Variants in VRK2 observed in about 807,000 individuals in gnomAD.
The protein encoded by VRK2 is serine/threonine-protein kinase VRK2.
VRK2 carries 60 observed loss-of-function variants against 57.6 expected under a neutral mutation model. The ratio of observed to expected loss-of-function variants is 1.04; its 90% CI spans 0.85 to 1.29. VRK2 has a LOEUF of 1.29. Ranked by LOEUF, VRK2 falls within the 50% of genes most tolerant of loss-of-function variation. The probability of loss-of-function intolerance (pLI) is 0.00; values close to 1 mark genes in which losing one functional copy is unlikely to be tolerated. For missense variants in VRK2, 705 were observed against 588.1 expected, an observed-to-expected ratio of 1.20 and a Z score of -2.06; for synonymous variants, 231 against 199.2, an observed-to-expected ratio of 1.16 and a Z score of -1.35.
At chr2:58,115,396 G>C (rs904115000) in intron 7 of VRK2, among the ~76,000 whole-genome samples, 2 of 152,178 alleles carry the variant, frequency 1.3e-5, no homozygotes, top group Non-Finnish European at 2.9e-5. Context: ...TATGCGTCAG[G>C]TATGAGGAAG....
intron 1 of VRK2, among the ~76,000 whole-genome samples, chr2:58,022,734 G>A (rs1345744803): frequency 6.6e-6 from 1 of 152,122 alleles, no homozygotes; most frequent in Non-Finnish European, 1.5e-5. Context: ...AATTAGCTAA[G>A]CATGGTGGCC....
chr2:57,928,944 G>C (rs1167399241), intron 1 of VRK2, among the ~76,000 whole-genome samples: 6 of 152,176 alleles, frequency 3.9e-5, no homozygotes, highest in African/African-American at 1.4e-4. Flanking sequence ...TCCTTGAGCT[G>C]GGGGAGGGAT....
At chr2:57,910,770 C>T (rs1317088881) in intron 1 of VRK2, among the ~76,000 whole-genome samples, 1 of 152,108 alleles carries the variant, frequency 6.6e-6, no homozygotes, top group Non-Finnish European at 1.5e-5. Context: ...ACATAAGTTC[C>T]AAAGCCAATA....
intron 3 of VRK2, 120 bp downstream of exon 3, chr2:58,084,258 A>G (rs1443826407): frequency 5.7e-6 from 6 of 1,043,926 alleles, no homozygotes; most frequent in African/African-American, 1.6e-5. Flanking sequence ...TAATGTTATC[A>G]TCTGTTTTGA....
chr2:58,047,919 T>C (rs1675105326), intron 1 of VRK2, among the ~76,000 whole-genome samples: 1 of 152,278 alleles, frequency 6.6e-6, no homozygotes, highest in Admixed American at 6.5e-5. Flanking sequence ...CATTTACGTA[T>C]ATACGTTTTT....
intron 2 of VRK2, among the ~76,000 whole-genome samples, chr2:58,058,940 T>C (rs1414485398): frequency 6.6e-6 from 1 of 152,010 alleles, no homozygotes; most frequent in Non-Finnish European, 1.5e-5. Context: ...CCAGATAAAA[T>C]AGTGACAAGT....
chr2:58,007,115 C>T (rs1031822822), intron 1 of VRK2, among the ~76,000 whole-genome samples: 2 of 151,642 alleles, frequency 1.3e-5, no homozygotes, highest in African/African-American at 2.4e-5. Flanking sequence ...GAAACTATAC[C>T]ATCAGTTCTC....
chr2:57,952,572 T>C (rs1039984947), intron 1 of VRK2, among the ~76,000 whole-genome samples: 1 of 152,150 alleles, frequency 6.6e-6, no homozygotes, highest in African/African-American at 2.4e-5. Context: ...ATCCTGAACA[T>C]ACATATCCTT....
intron 1 of VRK2, among the ~76,000 whole-genome samples, chr2:57,913,809 A>T (rs1224058152): frequency 6.6e-6 from 1 of 152,120 alleles, no homozygotes; most frequent in East Asian, 1.9e-4. Flanking sequence ...GTAGCATTTA[A>T]AAAAATACTG....
At chr2:57,942,663 G>C (rs181390336) in intron 1 of VRK2, among the ~76,000 whole-genome samples, 42 of 152,186 alleles carry the variant, frequency 2.8e-4, no homozygotes, top group African/African-American at 9.2e-4. Context: ...ACTGTACCTT[G>C]CAGGGCCATG....
chr2:57,992,484 C>T (rs1023592276), intron 1 of VRK2, among the ~76,000 whole-genome samples: 1 of 151,696 alleles, frequency 6.6e-6, no homozygotes, highest in African/African-American at 2.4e-5. Context: ...TAAAGTTAAA[C>T]ATGAGAAATA....
intron 1 of VRK2, among the ~76,000 whole-genome samples, chr2:57,908,718 GT>G (rs1572846889): frequency 6.6e-6 from 1 of 152,142 alleles, no homozygotes; most frequent in African/African-American, 2.4e-5. Flanking sequence ...TTGAAGAATA[GT>G]TTTTCAAAGT....
intron 1 of VRK2, among the ~76,000 whole-genome samples, chr2:57,983,699 G>A (rs72947193): frequency 0.015 from 2,339 of 152,238 alleles, 91 homozygotes; most frequent in African/African-American, 0.054. Context: ...TGTATACAAT[G>A]CTGCACAAAA....
chr2:58,121,549 T>C lies in VRK2; in HGVS notation c.544-1552T>C, dbSNP rs573918956. Among the ~76,000 whole-genome samples, 5 of 152,286 alleles carry C rather than the reference T, an allele frequency of 3.3e-5. No homozygotes were observed. The South Asian group carries it at 1.0e-3, about 32-fold the overall frequency. ...TGGGAAAGAGAGACAAACTGAAATA[T>C]TTGTTTTCAGACAGCCTTGCAAGTT... is the stretch of plus-strand genomic sequence containing the variant. On this transcript the variant is annotated intron_variant, in intron 7 of 12. Transcript: ENST00000340157.
At chr2:58,046,134 C>T (rs1376782349), upstream of VRK2, among the ~76,000 whole-genome samples, 4 of 152,148 alleles carry the variant, frequency 2.6e-5, no homozygotes, top group Admixed American at 2.6e-4. Flanking sequence ...CGTGAGCCAC[C>T]GCACCTGGCC....
rs1680642435 is a variant in VRK2 at position 58,137,235 on chromosome 2, T to TGTATC, written c.856+2036_856+2037insGTATC. On this transcript the variant is annotated intron_variant, in intron 10 of 12. Transcript: ENST00000340157. ...TGATACATATATATCATATGATACA[T>TGTATC]ATATATCATATATATGATATATATG... 4.7e-4 allele frequency among the ~76,000 whole-genome samples: 24 copies of TGTATC among 50,730 alleles called. 2 individuals carry two copies. The highest frequency in any genetic ancestry group is 1.2e-3 in the African/African-American group (20 of 17,220). 33.3% of individuals were successfully genotyped at this position (50,730 alleles called of 152,430 possible). A position where few individuals can be genotyped will look rare whatever the true frequency, so the allele number is the denominator to read the frequency against.
chr2:58,020,765 C>A (rs1194014274), intron 1 of VRK2, among the ~76,000 whole-genome samples: 2 of 152,056 alleles, frequency 1.3e-5, no homozygotes, highest in Non-Finnish European at 2.9e-5. Flanking sequence ...TTATCTTTTT[C>A]TAAAATAATA....
Position 57,947,416 on chromosome 2 carries a change from T to C in VRK2, c.-439+39577T>C, listed in dbSNP as rs547118360. Among the ~76,000 whole-genome samples the C allele has an allele frequency of 2.0e-4, 30 of 152,294 alleles. No homozygotes were observed. The South Asian group carries it at 4.6e-3, about 23-fold the overall frequency. ...TATAAAATCAATAACACAGATACTCTAGGAACATGTTTCATGAAATCATCT... is the reference window on the plus strand; with the variant it reads ...TATAAAATCAATAACACAGATACTCCAGGAACATGTTTCATGAAATCATCT... On this transcript the variant is annotated intron_variant, in intron 1 of 15. Transcript: ENST00000417641.
In VRK2 at chr2:57,925,368, A is replaced by G. The variant is rs138684752; in HGVS notation, c.-439+17529A>G. On this transcript the variant is annotated intron_variant, in intron 1 of 15. Coordinates refer to the VRK2 transcript ENST00000417641. ...CTTTGCACATTTTATTATGGCTTCA[A>G]TTTAATTACTTGTTCTTGGTCTGTT... 4.1e-3 allele frequency among the ~76,000 whole-genome samples: 630 copies of G among 152,112 alleles called. 2 individuals are homozygous for G. Among genetic ancestry groups the G allele is most frequent in the African/African-American group, 0.014 (583 of 41,558 alleles).
Sources: gnomAD v4.1 joint callset for allele counts (sites outside exome capture counted in the v4.1 genomes callset) on GRCh38, gnomAD v4.1.1 for gene constraint, MANE v1.5 for transcripts, NCBI Gene and HGNC (gene_info 2026-07-23, HGNC 2026-07-21) for gene names.